The following AGPS variants were observed in gnomAD, a reference collection of about 807,000 sequenced individuals.
AGPS encodes the protein alkylglycerone phosphate synthase.
Under a neutral mutation model 90.7 loss-of-function variants are expected in AGPS, and 26 were observed. The ratio of observed to expected loss-of-function variants is 0.29; its 90% CI spans 0.21 to 0.40. The LOEUF is 0.40. AGPS is among the 10% of genes least tolerant of loss of function. The probability of loss-of-function intolerance (pLI) is 1.00; values close to 1 mark genes in which losing one functional copy is unlikely to be tolerated. For missense variants in AGPS, 540 were observed against 816.1 expected (o/e 0.66, Z 4.12); for synonymous variants, 294 against 285.3 (o/e 1.03, Z -0.31).
At chr2:177,398,516 G>C (rs1300376075) in intron 1 of AGPS, among the ~76,000 whole-genome samples, 1 of 152,126 alleles carries the variant, frequency 6.6e-6, no homozygotes, top group Non-Finnish European at 1.5e-5. Flanking sequence ...TTTCAACTCT[G>C]TTCTTGCTCC....
intron 8 of AGPS, among the ~76,000 whole-genome samples, chr2:177,451,241 C>A (rs1686941335): frequency 6.6e-6 from 1 of 151,994 alleles, no homozygotes; most frequent in South Asian, 2.1e-4. Context: ...TCGGTATGAG[C>A]CACCATACCT....
At chr2:177,429,606 C>A (rs773250223) in intron 2 of AGPS, among the ~76,000 whole-genome samples, 4 of 152,114 alleles carry the variant, frequency 2.6e-5, no homozygotes, top group Non-Finnish European at 5.9e-5. Context: ...TTGCTCGTGA[C>A]CCTATTTGCC....
intron 6 of AGPS, chr2:177,441,297 G>A (rs1686593425): frequency 2.5e-6 from 1 of 399,358 alleles, no homozygotes; most frequent in Non-Finnish European, 4.5e-6. Flanking sequence ...ATAACAAAAT[G>A]TTTCTGCTTT....
rs1218998876 is a variant in AGPS at position 177,468,401 on chromosome 2, T to C, written c.997-15T>C. 4 of 1,457,848 alleles carry C rather than the reference T, an allele frequency of 2.7e-6. No homozygotes were observed. The highest frequency in any genetic ancestry group is 9.6e-7 in the Non-Finnish European group (1 of 1,039,752). The allele number at this position is 1,457,848 out of a possible 1,614,324, so 90.3% of individuals were successfully genotyped here. On this transcript the variant is annotated splice_polypyrimidine_tract_variant and intron_variant, in intron 9 of 19. Coordinates refer to ENST00000264167, the MANE Select transcript of AGPS (RefSeq NM_003659.4). ...ACAGATGTCTAGAATTTACATCGTGTATTGTATTAAACAGGTGGTTCATAT... is the reference window on the plus strand; with the variant it reads ...ACAGATGTCTAGAATTTACATCGTGCATTGTATTAAACAGGTGGTTCATAT...
rs536346040 is a variant in AGPS, at chr2:177,435,050, G to A, written c.441+633G>A. On this transcript the variant is annotated intron_variant, in intron 3 of 19. Coordinates refer to ENST00000264167, the MANE Select transcript of AGPS (RefSeq NM_003659.4). ...GTATGAAACTAATGAAATATTTAGC[G>A]TTTCTTTTTATTATTTTTGTTGTGT... is the stretch of plus-strand genomic sequence containing the variant. 2.4e-3 allele frequency among the ~76,000 whole-genome samples: 331 copies of A among 139,946 alleles called. 2 individuals are homozygous for A. The highest frequency in any genetic ancestry group is 7.6e-3 in the African/African-American group (285 of 37,668). The allele number at this position is 139,946 out of a possible 152,430, so 91.8% of individuals were successfully genotyped here. A position where few individuals can be genotyped will look rare whatever the true frequency, so the allele number is the denominator to read the frequency against.
intron 8 of AGPS, among the ~76,000 whole-genome samples, chr2:177,450,717 A>G (rs980857807): frequency 1.3e-5 from 2 of 151,796 alleles, no homozygotes; most frequent in African/African-American, 2.4e-5. Flanking sequence ...TGGCTATTCT[A>G]GGTTCTTTGT....
At chr2:177,522,303 A>T (rs1249319066) in intron 18 of AGPS, among the ~76,000 whole-genome samples, 1 of 152,112 alleles carries the variant, frequency 6.6e-6, no homozygotes, top group Non-Finnish European at 1.5e-5. Flanking sequence ...CACAGAGTGA[A>T]ATTATTCCTT....
intron 8 of AGPS, among the ~76,000 whole-genome samples, chr2:177,458,020 C>G (rs1177874922): frequency 6.6e-6 from 1 of 152,192 alleles, no homozygotes; most frequent in Non-Finnish European, 1.5e-5. Context: ...ACCTGGGATG[C>G]AAGGCTGGTT....
chr2:177,458,806 C>G (rs1011727144), intron 8 of AGPS, among the ~76,000 whole-genome samples: 2 of 152,144 alleles, frequency 1.3e-5, no homozygotes, highest in African/African-American at 4.8e-5. Flanking sequence ...ACTTTCTTCA[C>G]AGAATTGGAA....
chr2:177,405,825 CT>C (rs1685454061), intron 1 of AGPS, among the ~76,000 whole-genome samples: 1 of 98,354 alleles, frequency 1.0e-5, no homozygotes, highest in African/African-American at 3.8e-5. Flanking sequence ...ACTGTAATAG[CT>C]TTTACCACTG....
chr2:177,504,802 G>T (rs1159887976), intron 14 of AGPS, among the ~76,000 whole-genome samples: 1 of 151,952 alleles, frequency 6.6e-6, no homozygotes, highest in Non-Finnish European at 1.5e-5. Context: ...TTTACTAAAG[G>T]TAGTGGAAAA....
At chr2:177,455,356 G>T (rs950002431) in intron 8 of AGPS, among the ~76,000 whole-genome samples, 33 of 152,246 alleles carry the variant, frequency 2.2e-4, no homozygotes, top group African/African-American at 7.9e-4. Flanking sequence ...TTTCTGTGGA[G>T]CGCTAAACTA....
intron 5 of AGPS, among the ~76,000 whole-genome samples, chr2:177,438,582 C>T (rs2105633213): frequency 6.6e-6 from 1 of 152,200 alleles, no homozygotes; most frequent in Non-Finnish European, 1.5e-5. Flanking sequence ...GTTTCCAAAT[C>T]AGTTCCTTCT....
chr2:177,478,526 C>T (rs574761112), intron 10 of AGPS, among the ~76,000 whole-genome samples: 2 of 152,110 alleles, frequency 1.3e-5, no homozygotes, highest in African/African-American at 4.8e-5. Flanking sequence ...TCTGAGGCAC[C>T]ATCCATTGTT....
rs111675703 is a variant in AGPS, at chr2:177,498,084, C to T, written c.1362+319C>T. Among the ~76,000 whole-genome samples, 452 of 151,088 alleles carry T rather than the reference C, an allele frequency of 3.0e-3. 4 individuals are homozygous for T. The highest frequency in any genetic ancestry group is 0.01 in the African/African-American group (428 of 41,260). Reference sequence around the variant, plus strand: ...AAATAAGAGTGTGGATTTTTTTTAACCTTTGATTGTTGAATTTTTTTCCTA... The same window carrying T: ...AAATAAGAGTGTGGATTTTTTTTAATCTTTGATTGTTGAATTTTTTTCCTA... On this transcript the variant is annotated intron_variant, in intron 13 of 19. Coordinates refer to ENST00000264167, the MANE Select transcript of AGPS (RefSeq NM_003659.4).
chr2:177,417,029 A>G (rs944211502), intron 1 of AGPS, among the ~76,000 whole-genome samples: 1 of 152,182 alleles, frequency 6.6e-6, no homozygotes, highest in African/African-American at 2.4e-5. Flanking sequence ...GAATGGCAGA[A>G]TTCATTACAC....
rs1027917846 is a variant in AGPS, at chr2:177,538,885, ATTG to A, written c.*693_*695del. On this transcript the variant is annotated 3_prime_UTR_variant, in exon 20 of 20. Transcript: ENST00000264167. ...TGTATTTGTATCACTGAGATAACCTATTGTTATATTCTAATTCATTGATAATAT... is the reference window on the plus strand; with the variant it reads ...TGTATTTGTATCACTGAGATAACCTATTATATTCTAATTCATTGATAATAT... 3 of 151,986 alleles carry A rather than the reference ATTG, an allele frequency of 2.0e-5. No homozygotes were observed. Among genetic ancestry groups the A allele is most frequent in the Non-Finnish European group, 2.9e-5 (2 of 67,952 alleles). 9.4% of individuals were successfully genotyped at this position (151,986 alleles called of 1,614,324 possible). A position where few individuals can be genotyped will look rare whatever the true frequency, so the allele number is the denominator to read the frequency against.
At chr2:177,447,827 GA>G (rs1686822416) in intron 8 of AGPS, among the ~76,000 whole-genome samples, 1 of 152,006 alleles carries the variant, frequency 6.6e-6, no homozygotes, top group Non-Finnish European at 1.5e-5. Context: ...GTGTCCTTCA[GA>G]TTCTACTTCA....
chr2:177,462,409 A>AG (rs1311340964), intron 9 of AGPS, among the ~76,000 whole-genome samples: 2 of 150,872 alleles, frequency 1.3e-5, no homozygotes, highest in African/African-American at 2.4e-5. Flanking sequence ...AAAAAAAGAA[A>AG]AAAGAAAAAG....
Sources: allele counts gnomAD v4.1 joint callset (sites outside exome capture counted in the v4.1 genomes callset), GRCh38; gene constraint gnomAD v4.1.1; transcripts MANE v1.5; gene names NCBI Gene and HGNC (gene_info 2026-07-23, HGNC 2026-07-21).